PRSS55: variants seen among roughly 807,000 people sequenced by gnomAD.
The protein encoded by PRSS55 is serine protease 55.
In PRSS55, 41 loss-of-function variants were observed where a neutral mutation model predicts 23.6. The observed-to-expected ratio is 1.74, with a 90% CI of 1.35 to 2.26. PRSS55 has a LOEUF of 2.26. PRSS55 is among the 30% of genes most tolerant of loss of function. The pLI is 0.00. For missense variants in PRSS55, 669 were observed against 439.1 expected (o/e 1.52, Z -4.68); for synonymous variants, 262 against 175.5 (o/e 1.49, Z -3.90).
intron 4 of PRSS55, among the ~76,000 whole-genome samples, chr8:10,534,628 C>G (rs1409641721): frequency 6.6e-6 from 1 of 152,176 alleles, no homozygotes; most frequent in Non-Finnish European, 1.5e-5. Context: ...TGAGCAAAAG[C>G]TGGAAGCCTC....
intron 4 of PRSS55, among the ~76,000 whole-genome samples, chr8:10,551,627 T>C (rs1038160132): frequency 6.6e-6 from 1 of 152,234 alleles, no homozygotes. Context: ...CTCCTAACCC[T>C]GGCAACGCTG....
Position 10,531,498 on chromosome 8 carries a change from C to T in PRSS55, c.551C>T (p.Ala184Val), listed in dbSNP as rs1300776718. 7 of 1,613,900 alleles carry T rather than the reference C, an allele frequency of 4.3e-6. No homozygotes were observed. The highest frequency in any genetic ancestry group is 2.2e-5 in the South Asian group (2 of 91,088). ...PICLPTQPGPATWRECWVAGW... is the reference protein window; with the variant it reads ...PICLPTQPGPVTWRECWVAGW... ...TGCCTCCCCACGCAGCCCGGCCCTGCCACATGGCGCGAATGCTGGGTGGCA... is the reference window on the plus strand; with the variant it reads ...TGCCTCCCCACGCAGCCCGGCCCTGTCACATGGCGCGAATGCTGGGTGGCA... The change falls in exon 3 of 5, where the codon GCC becomes GTC. Residue 184 changes from alanine (A) to valine (V), a missense_variant. Transcript: ENST00000328655.
chr8:10,542,380 T>G (rs573368141), downstream of PRSS55, among the ~76,000 whole-genome samples: 1 of 147,670 alleles, frequency 6.8e-6, no homozygotes, highest in African/African-American at 2.5e-5. Flanking sequence ...TAAATGCAAT[T>G]GTTAGGTATT....
At chr8:10,536,833 A>G (rs1812472083) in intron 4 of PRSS55, among the ~76,000 whole-genome samples, 1 of 152,208 alleles carries the variant, frequency 6.6e-6, no homozygotes, top group Non-Finnish European at 1.5e-5. Context: ...ATGGACACAA[A>G]GAGGGGAACA....
intron 2 of PRSS55, among the ~76,000 whole-genome samples, chr8:10,530,320 C>A (rs548000850): frequency 6.6e-6 from 1 of 152,096 alleles, no homozygotes; most frequent in South Asian, 2.1e-4. Context: ...ACTAAAAATA[C>A]AAAAATTAGC....
Position 10,538,582 on chromosome 8 carries a change from G to A in PRSS55, c.848G>A (p.Gly283Glu), listed in dbSNP as rs1666877515. ...GKSCGEKNTP[G>E]IYTSLVNYNL... ...AGCTGTGGAGAGAAGAACACCCCAGGGATATACACCTCGTTGGTGAACTAC... is the reference window on the plus strand; with the variant it reads ...AGCTGTGGAGAGAAGAACACCCCAGAGATATACACCTCGTTGGTGAACTAC... Residue 283 changes from glycine (G) to glutamate (E), a missense_variant, in exon 5 of 5, where the codon GGG (glycine) becomes GAG (glutamate). Gly to Glu is a moderately conservative substitution (Grantham distance 98). Transcript: ENST00000328655. 6 of 1,614,106 alleles carry A rather than the reference G, an allele frequency of 3.7e-6. No individual in the cohort carries two copies. Among genetic ancestry groups the A allele is most frequent in the Non-Finnish European group, 4.2e-6 (5 of 1,179,996 alleles).
intron 4 of PRSS55, among the ~76,000 whole-genome samples, chr8:10,548,564 G>A (rs145519916): frequency 1.8e-3 from 279 of 151,936 alleles, no homozygotes; most frequent in African/African-American, 6.7e-3. Flanking sequence ...GGGTCACTTT[G>A]GACCCTTTCC....
chr8:10,548,283 A>G (rs1415900207), intron 4 of PRSS55, among the ~76,000 whole-genome samples: 1 of 152,092 alleles, frequency 6.6e-6, no homozygotes, highest in African/African-American at 2.4e-5. Flanking sequence ...CGAGGGCTTC[A>G]GTGTCTCCCT....
chr8:10,540,365 G>T (rs1418387031), downstream of PRSS55: 2 of 152,232 alleles, frequency 1.3e-5, no homozygotes, highest in African/African-American at 2.4e-5. Flanking sequence ...GGAAGCTTGG[G>T]CTTTTCCTGG....
At chr8:10,532,775 G>A (rs763193634) in intron 3 of PRSS55, 131 bp from the exon 4 acceptor site, 107 of 1,102,056 alleles carry the variant, frequency 9.7e-5, no homozygotes, top group Non-Finnish European at 1.2e-4. Context: ...AAGGAAGTGA[G>A]GGGCTGCAGA....
chr8:10,543,882 G>T (rs1167789848), intron 4 of PRSS55, among the ~76,000 whole-genome samples: 1 of 152,120 alleles, frequency 6.6e-6, no homozygotes, highest in Non-Finnish European at 1.5e-5. Flanking sequence ...TGAGGTTGGA[G>T]AACATACTTT....
At chr8:10,527,713 C>G (rs62492801) in intron 1 of PRSS55, among the ~76,000 whole-genome samples, 5,345 of 152,344 alleles carry the variant, frequency 0.035, 132 homozygotes, top group Middle Eastern at 0.061. Context: ...CAGTCACTGA[C>G]TAGTTGTGTG....
Position 10,538,505 on chromosome 8 carries a change from C to T in PRSS55, c.771C>T (p.Thr257=). The change falls in exon 5 of 5, where the codon ACC becomes ACT. Residue 257 remains threonine (T), a synonymous_variant. Transcript: ENST00000328655. ...KGDSGGPLVC[T]PEPGEKWYQV... is the part of the protein sequence containing the mutation. ...ACAGTGGGGGGCCTCTGGTCTGCAC[C>T]CCAGAGCCTGGTGAGAAGTGGTACC... The T allele has an allele frequency of 6.2e-7, 1 of 1,613,854 alleles. No homozygotes were observed. Among genetic ancestry groups the T allele is most frequent in the Non-Finnish European group, 8.5e-7 (1 of 1,179,922 alleles).
At chr8:10,550,546 C>G (rs1226007841) in intron 4 of PRSS55, among the ~76,000 whole-genome samples, 2 of 152,154 alleles carry the variant, frequency 1.3e-5, no homozygotes, top group Non-Finnish European at 2.9e-5. Flanking sequence ...CAGCTGATGC[C>G]GTTTTGTTGA....
intron 4 of PRSS55, among the ~76,000 whole-genome samples, chr8:10,535,674 T>C (rs1291903487): frequency 6.6e-6 from 1 of 152,192 alleles, no homozygotes; most frequent in East Asian, 1.9e-4. Context: ...AAAGATTTCA[T>C]GAGGAAGTCT....
chr8:10,531,480 C>G lies in PRSS55; in HGVS notation c.533C>G (p.Pro178Arg), dbSNP rs749624174. 36 of 1,614,002 alleles carry G rather than the reference C, an allele frequency of 2.2e-5. No individual in the cohort carries two copies. The highest frequency in any genetic ancestry group is 3.0e-5 in the Non-Finnish European group (35 of 1,180,056). ...GACCTGAAGGTGCCCATCTGCCTCC[C>G]CACGCAGCCCGGCCCTGCCACATGG... Reference protein sequence around the residue: ...LDDLKVPICLPTQPGPATWRE... With the variant: ...LDDLKVPICLRTQPGPATWRE... The change falls in exon 3 of 5, where the codon CCC becomes CGC. Residue 178 changes from proline (P) to arginine (R), a missense_variant. Physicochemically the swap from Pro to Arg is moderately radical, Grantham distance 103. Coordinates refer to ENST00000328655, the MANE Select transcript of PRSS55 (RefSeq NM_198464.4).
downstream of PRSS55, among the ~76,000 whole-genome samples, chr8:10,543,426 TCC>T (rs374170513): frequency 0.65 from 74,663 of 114,494 alleles, 25,071 homozygotes; most frequent in South Asian, 0.78. Context: ...CTTTCTTTCT[TCC>T]TTCCTTCCTT....
intron 4 of PRSS55, among the ~76,000 whole-genome samples, chr8:10,546,211 A>G (rs919426935): frequency 2.0e-5 from 3 of 152,146 alleles, no homozygotes; most frequent in Admixed American, 6.5e-5. Context: ...TTGCCTGTAA[A>G]ATGAGAATCA....
At chr8:10,540,859 G>A (rs1234351833), downstream of PRSS55, 1 of 152,330 alleles carries the variant, frequency 6.6e-6, no homozygotes, top group Non-Finnish European at 1.5e-5. Context: ...CAGGCCCAGT[G>A]GAGGGTGGCC....
Sources: allele counts gnomAD v4.1 joint callset (sites outside exome capture counted in the v4.1 genomes callset), GRCh38; gene constraint gnomAD v4.1.1; transcripts MANE v1.5; gene names NCBI Gene and HGNC (gene_info 2026-07-23, HGNC 2026-07-21).